The following SNX29 variants were observed in gnomAD, a reference collection of about 807,000 sequenced individuals.
SNX29 encodes sorting nexin 29.
In SNX29, 78 loss-of-function variants were observed where a neutral mutation model predicts 102.1. The ratio of observed to expected loss-of-function variants is 0.76; its 90% CI spans 0.64 to 0.92. The LOEUF is 0.92. Ranked by LOEUF, SNX29 falls within the 40% of genes least tolerant of loss-of-function variation. The pLI, the probability that SNX29 is intolerant of heterozygous loss-of-function variation, is 0.00. For synonymous variants in SNX29, 580 were observed against 414.5 expected, an observed-to-expected ratio of 1.40 and a Z score of -4.85; for missense variants, 1,280 against 1,061.7, an observed-to-expected ratio of 1.21 and a Z score of -2.86.
At chr16:12,415,288 G>A (rs1176304957) in intron 18 of SNX29, among the ~76,000 whole-genome samples, 6 of 152,222 alleles carry the variant, frequency 3.9e-5, no homozygotes, top group African/African-American at 1.4e-4. Flanking sequence ...GAGTGGGCAG[G>A]ACCCCAATAA....
chr16:12,080,711 GAC>G (rs1466372519), intron 11 of SNX29, among the ~76,000 whole-genome samples: 1 of 129,036 alleles, frequency 7.7e-6, no homozygotes, highest in Non-Finnish European at 1.6e-5. Context: ...TTTTTTTTGA[GAC>G]AGAGTCTTGC....
chr16:12,530,188 T>G (rs987782068), intron 20 of SNX29, among the ~76,000 whole-genome samples: 2 of 152,182 alleles, frequency 1.3e-5, no homozygotes, highest in Admixed American at 6.5e-5. Flanking sequence ...GCGGTGTTGA[T>G]TTTGGAGTTG....
At chr16:12,065,908 C>T (rs939540385) in intron 9 of SNX29, among the ~76,000 whole-genome samples, 5 of 152,100 alleles carry the variant, frequency 3.3e-5, no homozygotes, top group Admixed American at 1.3e-4. Flanking sequence ...CTTAAATTTT[C>T]GGGATCCATT....
intron 19 of SNX29, among the ~76,000 whole-genome samples, chr16:12,508,949 T>A (rs554368463): frequency 6.6e-6 from 1 of 152,344 alleles, no homozygotes; most frequent in African/African-American, 2.4e-5. Context: ...GAGCCTCATC[T>A]GTGAAATGTC....
At chr16:12,421,500 T>C (rs1423981330) in intron 18 of SNX29, among the ~76,000 whole-genome samples, 1 of 152,208 alleles carries the variant, frequency 6.6e-6, no homozygotes, top group East Asian at 1.9e-4. Context: ...TGATTTCCCT[T>C]AACACATATA....
rs75580269 is a variant in SNX29 at position 12,517,287 on chromosome 16, C to T, written c.2179-7415C>T. On this transcript the variant is annotated intron_variant, in intron 19 of 20. Transcript: ENST00000566228. ...GCCCAACCAGAAAACTCACAGATCC[C>T]TCATGGCCCTTTAAGAGCTGGACAT... Among the ~76,000 whole-genome samples the T allele has an allele frequency of 5.1e-3, 774 of 152,326 alleles. 13 individuals are homozygous for T. Among genetic ancestry groups the T allele is most frequent in the African/African-American group, 0.018 (742 of 41,572 alleles).
chr16:12,406,977 G>C (rs766326213), intron 18 of SNX29, among the ~76,000 whole-genome samples: 14 of 152,242 alleles, frequency 9.2e-5, no homozygotes, highest in Admixed American at 2.0e-4. Flanking sequence ...TGAGCAGCCA[G>C]ACGTGGCTGA....
chr16:12,083,165 G>A (rs532508391), intron 11 of SNX29, among the ~76,000 whole-genome samples: 4 of 152,130 alleles, frequency 2.6e-5, no homozygotes, highest in African/African-American at 9.6e-5. Flanking sequence ...AATTAGCATG[G>A]TGTGGTGGCT....
chr16:12,256,422 G>C (rs1247584166), intron 14 of SNX29, among the ~76,000 whole-genome samples: 1 of 152,102 alleles, frequency 6.6e-6, no homozygotes, highest in Non-Finnish European at 1.5e-5. Context: ...CTGCCTCCCT[G>C]GTTCAGGCGA....
chr16:12,557,263 T>C (rs2078426937), intron 20 of SNX29: 1 of 152,148 alleles, frequency 6.6e-6, no homozygotes, highest in Admixed American at 6.5e-5. Flanking sequence ...GAAAGATAAG[T>C]GGGGAGTGCA....
At chr16:12,511,440 C>T (rs1033395995) in intron 19 of SNX29, among the ~76,000 whole-genome samples, 2 of 152,164 alleles carry the variant, frequency 1.3e-5, no homozygotes, top group Non-Finnish European at 2.9e-5. Flanking sequence ...GAAGCAAACA[C>T]TCCACATCGT....
rs371600965 is a variant in SNX29, at chr16:12,005,212, T to G, written c.122+2169T>G. ...TGTGGCATTAGATCATTCGACTGAT[T>G]GATCAATTTAGTCCTTCTTGAGGGC... On this transcript the variant is annotated intron_variant, in intron 3 of 20. Transcript: ENST00000566228. 1.1e-4 allele frequency among the ~76,000 whole-genome samples: 16 copies of G among 152,332 alleles called. No individual in the cohort carries two copies. In the East Asian group the frequency reaches 1.3e-3, roughly 13 times the overall value.
chr16:12,556,779 T>C (rs1178252978), intron 20 of SNX29, among the ~76,000 whole-genome samples: 4 of 152,160 alleles, frequency 2.6e-5, no homozygotes, highest in Non-Finnish European at 4.4e-5. Flanking sequence ...GGTTTGAGCA[T>C]TGGAGTCAAC....
rs533452311 is a variant in SNX29 at position 12,305,606 on chromosome 16, C to T, written c.1782+27570C>T. 5.9e-5 allele frequency among the ~76,000 whole-genome samples: 9 copies of T among 152,242 alleles called. No individual in the cohort carries two copies. The East Asian group carries it at 1.7e-3, about 29-fold the overall frequency. ...GTTCTCCATAGATTTATTTTTTTGG[C>T]ATTAATTTTGATATTTCAAAACATT... is the stretch of plus-strand genomic sequence containing the variant. On this transcript the variant is annotated intron_variant, in intron 15 of 20. Coordinates refer to ENST00000566228, the MANE Select transcript of SNX29 (RefSeq NM_032167.5).
At chr16:12,114,063 A>G (rs1044258452) in intron 11 of SNX29, among the ~76,000 whole-genome samples, 1 of 152,110 alleles carries the variant, frequency 6.6e-6, no homozygotes, top group Non-Finnish European at 1.5e-5. Context: ...CTTTGCTTAT[A>G]ATGTCATTTT....
intron 8 of SNX29, among the ~76,000 whole-genome samples, chr16:12,056,879 A>T (rs150642323): frequency 2.0e-5 from 3 of 151,938 alleles, no homozygotes; most frequent in Non-Finnish European, 4.4e-5. Context: ...GCTGGAGTGC[A>T]GTGGCCTGAT....
intron 20 of SNX29, among the ~76,000 whole-genome samples, chr16:12,558,596 T>C (rs1051715293): frequency 6.6e-6 from 1 of 152,208 alleles, no homozygotes; most frequent in African/African-American, 2.4e-5. Flanking sequence ...TGTCACTCTC[T>C]GCCACAGCTG....
intron 20 of SNX29, among the ~76,000 whole-genome samples, chr16:12,560,004 C>G (rs566405959): frequency 1.3e-5 from 2 of 152,146 alleles, no homozygotes; most frequent in Non-Finnish European, 2.9e-5. Flanking sequence ...CAAGCAACTT[C>G]ACTTACATTT....
intron 14 of SNX29, among the ~76,000 whole-genome samples, chr16:12,270,355 C>A (rs2079054254): frequency 6.6e-6 from 1 of 152,186 alleles, no homozygotes; most frequent in South Asian, 2.1e-4. Context: ...GTGTTGTCAT[C>A]TGTTATTTTT....
Sources: gnomAD v4.1 joint callset for allele counts (sites outside exome capture counted in the v4.1 genomes callset) on GRCh38, gnomAD v4.1.1 for gene constraint, MANE v1.5 for transcripts, NCBI Gene and HGNC (gene_info 2026-07-23, HGNC 2026-07-21) for gene names.